The following ARHGAP18 variants were observed in gnomAD, a reference collection of about 807,000 sequenced individuals.
ARHGAP18 encodes rho GTPase-activating protein 18.
In ARHGAP18, 67 loss-of-function variants were observed where a neutral mutation model predicts 86.2. The ratio of observed to expected loss-of-function variants is 0.78; its 90% confidence interval spans 0.64 to 0.95. The LOEUF is 0.95. Ranked by LOEUF, ARHGAP18 falls within the 40% of genes least tolerant of loss-of-function variation. The pLI is 0.00. For synonymous variants in ARHGAP18, 283 were observed against 280.4 expected, an observed-to-expected ratio of 1.01 and a Z score of -0.09; for missense variants, 691 against 780.4, an observed-to-expected ratio of 0.89 and a Z score of 1.37.
At chr6:129,619,560 T>G (rs1352937905) in intron 5 of ARHGAP18, among the ~76,000 whole-genome samples, 63 of 46,180 alleles carry the variant, frequency 1.4e-3, no homozygotes, top group Non-Finnish European at 1.6e-3. Flanking sequence ...GGAAGGGGAG[T>G]GGGCAAGGGG....
intron 1 of ARHGAP18, among the ~76,000 whole-genome samples, chr6:129,668,489 G>A (rs1774084999): frequency 6.6e-6 from 1 of 151,822 alleles, no homozygotes; most frequent in Non-Finnish European, 1.5e-5. Context: ...CCATAAGTCA[G>A]TCCCAGGGCA....
chr6:129,608,743 A>G (rs74748306), intron 8 of ARHGAP18, among the ~76,000 whole-genome samples: 16,073 of 152,214 alleles, frequency 0.11, 1,091 homozygotes, highest in Middle Eastern at 0.18. Context: ...TATTTTTTGT[A>G]TACTTCTTTA....
intron 1 of ARHGAP18, among the ~76,000 whole-genome samples, chr6:129,644,175 T>C (rs1346903585): frequency 6.6e-6 from 1 of 152,156 alleles, no homozygotes; most frequent in Admixed American, 6.5e-5. Context: ...GTCTCCATTG[T>C]TCATTGTTTG....
At chr6:129,590,689 T>C (rs996651685) in intron 12 of ARHGAP18, among the ~76,000 whole-genome samples, 1 of 152,214 alleles carries the variant, frequency 6.6e-6, no homozygotes, top group Non-Finnish European at 1.5e-5. Flanking sequence ...AATATCAATA[T>C]CCTTGGAAAG....
intron 3 of ARHGAP18, 41 bp downstream of exon 3, chr6:129,638,353 G>A (rs769698703): frequency 2.3e-5 from 36 of 1,538,640 alleles, no homozygotes; most frequent in Non-Finnish European, 3.1e-5. Context: ...TTAATTGTAA[G>A]CAATTATTCC....
chr6:129,634,184 A>C lies in ARHGAP18; in HGVS notation c.553-79T>G. ...TGGTACTGTAAATAATTTTGTTATT[A>C]ATCTTTAGAGTACAAGACATGTACT... On this transcript the variant is annotated intron_variant, in intron 3 of 14. Coordinates refer to ENST00000368149, the MANE Select transcript of ARHGAP18 (RefSeq NM_033515.3). 5.6e-6 allele frequency: 7 copies of C among 1,251,346 alleles called. No individual in the cohort carries two copies. The South Asian group carries it at 6.2e-5, about 11-fold the overall frequency. The allele number at this position is 1,251,346 out of a possible 1,614,324, so 77.5% of individuals were successfully genotyped here. A position where few individuals can be genotyped will look rare whatever the true frequency, so the allele number is the denominator to read the frequency against.
chr6:129,635,675 G>A (rs1431267963), intron 3 of ARHGAP18, among the ~76,000 whole-genome samples: 1 of 152,244 alleles, frequency 6.6e-6, no homozygotes, highest in African/African-American at 2.4e-5. Context: ...TAACATGGAA[G>A]AGCTGAATAT....
intron 1 of ARHGAP18, among the ~76,000 whole-genome samples, chr6:129,673,365 A>G (rs1774174198): frequency 6.6e-6 from 1 of 152,148 alleles, no homozygotes; most frequent in Admixed American, 6.5e-5. Context: ...AAAAAAAAAA[A>G]AAAGTCTTAA....
intron 1 of ARHGAP18, among the ~76,000 whole-genome samples, chr6:129,644,249 A>T (rs1368676975): frequency 6.6e-6 from 1 of 152,142 alleles, no homozygotes; most frequent in African/African-American, 2.4e-5. Flanking sequence ...TCCTGTTTAC[A>T]TCTCTGTATT....
intron 1 of ARHGAP18, among the ~76,000 whole-genome samples, chr6:129,701,209 C>T (rs1388163127): frequency 1.3e-5 from 2 of 152,194 alleles, no homozygotes; most frequent in Non-Finnish European, 2.9e-5. Context: ...TTAACATTCT[C>T]AAACGTTACA....
At chr6:129,639,623 GTCTT>G (rs1431521193) in intron 2 of ARHGAP18, among the ~76,000 whole-genome samples, 5 of 152,306 alleles carry the variant, frequency 3.3e-5, no homozygotes, top group African/African-American at 1.2e-4. Context: ...CTACCTGTCT[GTCTT>G]TCTATACTAT....
chr6:129,645,403 A>C (rs1421022895), intron 1 of ARHGAP18, among the ~76,000 whole-genome samples: 1 of 152,316 alleles, frequency 6.6e-6, no homozygotes, highest in East Asian at 1.9e-4. Context: ...TGCTAGATGT[A>C]ATGAAGTACA....
chr6:129,636,880 A>G (rs1773343337), intron 3 of ARHGAP18, among the ~76,000 whole-genome samples: 1 of 152,200 alleles, frequency 6.6e-6, no homozygotes, highest in Non-Finnish European at 1.5e-5. Context: ...AACACCATCT[A>G]GATCCGCTGA....
intron 1 of ARHGAP18, among the ~76,000 whole-genome samples, chr6:129,691,883 C>T (rs1381542988): frequency 6.6e-6 from 1 of 152,196 alleles, no homozygotes; most frequent in Non-Finnish European, 1.5e-5. Context: ...CCCGTTCCTG[C>T]TCAGCCCACA....
At chr6:129,665,284 C>T (rs2114522426) in intron 1 of ARHGAP18, among the ~76,000 whole-genome samples, 1 of 152,302 alleles carries the variant, frequency 6.6e-6, no homozygotes, top group Non-Finnish European at 1.5e-5. Flanking sequence ...GTGGCTCACG[C>T]CTGTAATCCC....
intron 1 of ARHGAP18, among the ~76,000 whole-genome samples, chr6:129,687,359 C>CAT (rs1421127022): frequency 1.3e-5 from 2 of 152,186 alleles, no homozygotes; most frequent in African/African-American, 4.8e-5. Context: ...ACTGACACAG[C>CAT]ATATAGCTGA....
chr6:129,639,904 G>A (rs1294130793), intron 2 of ARHGAP18, among the ~76,000 whole-genome samples: 1 of 151,840 alleles, frequency 6.6e-6, no homozygotes, highest in Non-Finnish European at 1.5e-5. Context: ...AATTAGCTGG[G>A]CATGGTAGTA....
intron 1 of ARHGAP18, among the ~76,000 whole-genome samples, chr6:129,688,504 T>C (rs560365038): frequency 6.6e-6 from 1 of 152,238 alleles, no homozygotes; most frequent in East Asian, 1.9e-4. Flanking sequence ...AAAAAACACG[T>C]CTTATCAGCT....
At chr6:129,650,151 C>T (rs140463700) in intron 1 of ARHGAP18, among the ~76,000 whole-genome samples, 598 of 151,264 alleles carry the variant, frequency 4.0e-3, no homozygotes, top group Non-Finnish European at 5.9e-3. Context: ...CTCGAACTCC[C>T]GACCTCAGGT....
Sources: gnomAD v4.1 joint callset for allele counts (sites outside exome capture counted in the v4.1 genomes callset) on GRCh38, gnomAD v4.1.1 for gene constraint, MANE v1.5 for transcripts, NCBI Gene and HGNC (gene_info 2026-07-23, HGNC 2026-07-21) for gene names.